Variants in SGK3 observed in about 807,000 individuals in gnomAD.
SGK3 encodes the protein serine/threonine-protein kinase Sgk3.
A neutral mutation model predicts 68.5 loss-of-function variants in SGK3; 47 were observed. That is an observed-to-expected ratio of 0.69 (90% CI 0.54 to 0.87). The LOEUF is 0.87. Among genes scored for constraint, SGK3 ranks in the 40% least tolerant of loss-of-function variants. SGK3 has a pLI of 0.00. For synonymous variants in SGK3, 181 were observed against 189.1 expected, an observed-to-expected ratio of 0.96 and a Z score of 0.35; for missense variants, 479 against 575.5, an observed-to-expected ratio of 0.83 and a Z score of 1.72.
At chr8:66,782,687 G>C (rs1330651897) in intron 1 of SGK3, among the ~76,000 whole-genome samples, 2 of 152,214 alleles carry the variant, frequency 1.3e-5, no homozygotes, top group South Asian at 4.1e-4. Flanking sequence ...TGTTTTCCTA[G>C]TTTTGCCTTT....
At chr8:66,750,262 C>T (rs1805774527) in intron 1 of SGK3, among the ~76,000 whole-genome samples, 1 of 152,024 alleles carries the variant, frequency 6.6e-6, no homozygotes, top group Non-Finnish European at 1.5e-5. Context: ...AATGTATGTA[C>T]ATTTCTGATA....
In SGK3 at chr8:66,762,457, C is replaced by T. The variant is rs188929535; in HGVS notation, c.-121-31159C>T. Among the ~76,000 whole-genome samples, 13 of 152,194 alleles carry T rather than the reference C, an allele frequency of 8.5e-5. No individual in the cohort carries two copies. In the East Asian group the frequency reaches 1.4e-3, roughly 16 times the overall value. ...GCTTGAACCAGGGAGTTGGAGGTTA[C>T]AGTGAGCCAAGATCGCGCCACTGCA... On this transcript the variant is annotated intron_variant, in intron 1 of 16. Transcript: ENST00000521198.
chr8:66,761,017 CAA>C (rs763544342), intron 1 of SGK3, among the ~76,000 whole-genome samples: 27 of 79,404 alleles, frequency 3.4e-4, no homozygotes, highest in Admixed American at 2.7e-4. Context: ...AACTCTGTCT[CAA>C]AAAAAAAAAA....
At chr8:66,816,261 C>T (rs1808574156) in intron 5 of SGK3, among the ~76,000 whole-genome samples, 1 of 151,924 alleles carries the variant, frequency 6.6e-6, no homozygotes, top group South Asian at 2.1e-4. Context: ...CTTGGCCTCC[C>T]AAAGTGCTGA....
intron 3 of SGK3, among the ~76,000 whole-genome samples, chr8:66,801,956 G>A (rs1807963046): frequency 6.6e-6 from 1 of 152,296 alleles, no homozygotes; most frequent in South Asian, 2.1e-4. Flanking sequence ...CTTGTTTGGG[G>A]TACCTCCATC....
intron 4 of SGK3, among the ~76,000 whole-genome samples, chr8:66,810,277 A>G (rs187400356): frequency 6.7e-6 from 1 of 150,320 alleles, no homozygotes; most frequent in Non-Finnish European, 1.5e-5. Context: ...ATATTCCAGA[A>G]AAAAAAAAAA....
At position 66,744,524 on chromosome 8, in the gene SGK3, T is replaced by G. The variant is rs1343680667; in HGVS notation, c.-122+31691T>G. On this transcript the variant is annotated intron_variant, in intron 1 of 16. Transcript: ENST00000521198. ...ATATATATATATATATATATATTTTTTTTTTTTTTTTTTTTTTTTTTAGAT... is the reference window on the plus strand; with the variant it reads ...ATATATATATATATATATATATTTTGTTTTTTTTTTTTTTTTTTTTTAGAT... Among the ~76,000 whole-genome samples, 51 of 98,698 alleles carry G rather than the reference T, an allele frequency of 5.2e-4. 1 individual carries two copies. The highest frequency in any genetic ancestry group is 2.2e-3 in the African/African-American group (47 of 21,096). The allele number at this position is 98,698 out of a possible 152,430, so 64.7% of individuals were successfully genotyped here.
rs140856531 is a variant in SGK3, at chr8:66,843,404, T to C, written c.979-48T>C. The C allele has an allele frequency of 5.7e-4, 887 of 1,558,652 alleles. 9 individuals carry two copies. In the East Asian group the frequency reaches 0.013, roughly 22 times the overall value. On this transcript the variant is annotated intron_variant, in intron 13 of 16. Coordinates refer to ENST00000521198, the MANE Select transcript of SGK3 (RefSeq NM_001033578.3). ...ATTTCTCAATTATTTATAAATTTTG[T>C]CTTGATTTGTTTACTGACTTGCTCT...
At chr8:66,796,533 A>G in intron 2 of SGK3, among the ~76,000 whole-genome samples, 1 of 149,354 alleles carries the variant, frequency 6.7e-6, no homozygotes, top group Non-Finnish European at 1.5e-5. Flanking sequence ...CCTGGGCTCA[A>G]GTGATTCTCC....
chr8:66,739,303 G>C (rs763704001), intron 1 of SGK3, among the ~76,000 whole-genome samples: 15 of 152,130 alleles, frequency 9.9e-5, no homozygotes, highest in East Asian at 1.9e-4. Flanking sequence ...ATAACAACCT[G>C]CTCTTGTGGG....
Position 66,762,129 on chromosome 8 carries a change from C to T in SGK3, c.-121-31487C>T, listed in dbSNP as rs553004535. On this transcript the variant is annotated intron_variant, in intron 1 of 16. Coordinates refer to ENST00000521198, the MANE Select transcript of SGK3 (RefSeq NM_001033578.3). ...TGCCACAGGCGCCTGCTACCATGCC[C>T]GGCTAACTTTTGTATTTTTAGTAGA... is the stretch of plus-strand genomic sequence containing the variant. Among the ~76,000 whole-genome samples, 131 of 152,260 alleles carry T rather than the reference C, an allele frequency of 8.6e-4. 2 individuals carry two copies. In the South Asian group the frequency reaches 9.1e-3, roughly 11 times the overall value.
intron 3 of SGK3, among the ~76,000 whole-genome samples, chr8:66,799,614 C>T (rs1383521480): frequency 1.3e-5 from 2 of 152,104 alleles, no homozygotes; most frequent in Admixed American, 6.6e-5. Flanking sequence ...CTCAAATCCC[C>T]AATGTATTTA....
At chr8:66,784,752 A>G (rs1432974957) in intron 1 of SGK3, among the ~76,000 whole-genome samples, 1 of 152,200 alleles carries the variant, frequency 6.6e-6, no homozygotes, top group Non-Finnish European at 1.5e-5. Flanking sequence ...TTGGATCAGT[A>G]ACATTTTAAC....
At chr8:66,760,939 C>G (rs774798891) in intron 1 of SGK3, among the ~76,000 whole-genome samples, 10 of 151,498 alleles carry the variant, frequency 6.6e-5, no homozygotes, top group East Asian at 2.0e-4. Flanking sequence ...ATCGCTTGAA[C>G]CAGGGAGGCA....
chr8:66,855,480 G>A (rs1020299964), intron 16 of SGK3, among the ~76,000 whole-genome samples: 2 of 152,210 alleles, frequency 1.3e-5, no homozygotes, highest in Admixed American at 6.5e-5. Flanking sequence ...TGGGATTACA[G>A]GCATGAGCCA....
intron 8 of SGK3, among the ~76,000 whole-genome samples, chr8:66,834,494 TG>T (rs535960092): frequency 2.2e-3 from 328 of 152,320 alleles, no homozygotes; most frequent in African/African-American, 7.0e-3. Flanking sequence ...TGTTTTGTTT[TG>T]TTTTTTTGAA....
intron 6 of SGK3, among the ~76,000 whole-genome samples, chr8:66,823,502 A>G (rs567371820): frequency 6.6e-6 from 1 of 150,654 alleles, no homozygotes; most frequent in South Asian, 2.1e-4. Context: ...GGTTCAAGTG[A>G]TTCTCCTGCC....
intron 14 of SGK3, among the ~76,000 whole-genome samples, chr8:66,844,926 A>C (rs1237777243): frequency 1.3e-5 from 2 of 152,060 alleles, no homozygotes; most frequent in East Asian, 3.9e-4. Flanking sequence ...ACATTGGAAA[A>C]CCACTTTATA....
intron 7 of SGK3, among the ~76,000 whole-genome samples, chr8:66,829,888 A>G (rs1048759586): frequency 6.0e-5 from 4 of 66,948 alleles, no homozygotes; most frequent in African/African-American, 2.2e-4. Context: ...TTTTTTTTTT[A>G]TTGAGACAGA....
Sources: gnomAD v4.1 joint callset for allele counts (sites outside exome capture counted in the v4.1 genomes callset) on GRCh38, gnomAD v4.1.1 for gene constraint, MANE v1.5 for transcripts, NCBI Gene and HGNC (gene_info 2026-07-23, HGNC 2026-07-21) for gene names.